ALK: variants seen among roughly 807,000 people sequenced by gnomAD.
The protein encoded by ALK is ALK tyrosine kinase receptor.
ALK carries 74 observed loss-of-function variants against 163.1 expected under a neutral mutation model. The observed-to-expected ratio is 0.45, with a 90% CI of 0.38 to 0.55. The LOEUF is 0.55. Ranked by LOEUF, ALK falls within the 20% of genes least tolerant of loss-of-function variation. The pLI is 0.00. For missense variants in ALK, 2,063 were observed against 2,105.3 expected, an observed-to-expected ratio of 0.98 and a Z score of 0.39; for synonymous variants, 960 against 843.2, an observed-to-expected ratio of 1.14 and a Z score of -2.40.
chr2:29,433,254 A>C (rs1449958452), intron 4 of ALK, among the ~76,000 whole-genome samples: 3 of 152,172 alleles, frequency 2.0e-5, no homozygotes, highest in Admixed American at 1.3e-4. Context: ...CATGCATAGA[A>C]GTGGACAGGA....
At position 29,808,880 on chromosome 2, in the gene ALK, C is replaced by A. The variant is rs74679615; in HGVS notation, c.668-91183G>T. Among the ~76,000 whole-genome samples the A allele has an allele frequency of 3.8e-4, 58 of 152,322 alleles. 1 individual carries two copies. The East Asian group carries it at 0.01, about 27-fold the overall frequency. On this transcript the variant is annotated intron_variant, in intron 1 of 28. Coordinates refer to ENST00000389048, the MANE Select transcript of ALK (RefSeq NM_004304.5). ...CCACGGCCCCAGTGACCTTTCAGAT[C>A]CCTGAGTTAAAGGGACCATTATTCA...
intron 28 of ALK, 35 bp from the exon 29 acceptor site, chr2:29,193,957 G>C (rs1185925511): frequency 6.2e-7 from 1 of 1,601,894 alleles, no homozygotes; most frequent in Non-Finnish European, 8.5e-7. Flanking sequence ...CTTTGAATCA[G>C]AGACAAAAAA....
At chr2:29,626,472 T>G (rs1423877167) in intron 3 of ALK, among the ~76,000 whole-genome samples, 1 of 152,228 alleles carries the variant, frequency 6.6e-6, no homozygotes, top group African/African-American at 2.4e-5. Context: ...TCTTCTGCCA[T>G]GATTGTGAGG....
At chr2:29,913,670 A>T (rs1667763287) in intron 1 of ALK, among the ~76,000 whole-genome samples, 1 of 152,162 alleles carries the variant, frequency 6.6e-6, no homozygotes, top group South Asian at 2.1e-4. Context: ...CATAGAAACC[A>T]CCATGTACAA....
chr2:29,894,837 CACACACACACACACAA>C (rs760925027), intron 1 of ALK, among the ~76,000 whole-genome samples: 4,559 of 145,768 alleles, frequency 0.031, 86 homozygotes, highest in Middle Eastern at 0.056. Flanking sequence ...GCTTCAAACA[CACACACACACACACAA>C]ACACACACAC....
chr2:29,643,804 G>A (rs796448255), intron 3 of ALK, among the ~76,000 whole-genome samples: 10 of 152,144 alleles, frequency 6.6e-5, no homozygotes, highest in African/African-American at 2.2e-4. Context: ...TTGGTGGGAC[G>A]GTAAACTAGT....
At chr2:29,588,142 C>A (rs1291918938) in intron 3 of ALK, among the ~76,000 whole-genome samples, 1 of 152,110 alleles carries the variant, frequency 6.6e-6, no homozygotes, top group Non-Finnish European at 1.5e-5. Flanking sequence ...TGCAGTGACC[C>A]CTTTCACTCT....
intron 4 of ALK, among the ~76,000 whole-genome samples, chr2:29,480,711 C>T (rs1225981289): frequency 2.0e-5 from 3 of 148,810 alleles, no homozygotes; most frequent in Non-Finnish European, 3.0e-5. Flanking sequence ...TGGCTCAGGC[C>T]GGGGGCTACA....
intron 5 of ALK, among the ~76,000 whole-genome samples, chr2:29,368,137 T>G (rs1271763967): frequency 6.6e-6 from 1 of 152,182 alleles, no homozygotes; most frequent in Non-Finnish European, 1.5e-5. Flanking sequence ...TAAAGTCAAA[T>G]AGGCTGTGGC....
chr2:29,797,499 G>T (rs1210915297), intron 1 of ALK, among the ~76,000 whole-genome samples: 5 of 152,188 alleles, frequency 3.3e-5, no homozygotes, highest in Non-Finnish European at 2.9e-5. Context: ...ACAGCAAGGA[G>T]TAATATCCCC....
intron 3 of ALK, among the ~76,000 whole-genome samples, chr2:29,546,538 G>A (rs950420074): frequency 1.3e-5 from 2 of 152,166 alleles, no homozygotes; most frequent in African/African-American, 4.8e-5. Context: ...GGAGGAGGAC[G>A]GAAGGGAGGG....
intron 5 of ALK, among the ~76,000 whole-genome samples, chr2:29,340,587 C>A (rs1339855072): frequency 6.6e-6 from 1 of 152,200 alleles, no homozygotes; most frequent in Non-Finnish European, 1.5e-5. Context: ...ATCATCATAG[C>A]AATAGCTTCC....
At chr2:29,764,234 G>A (rs1680794698) in intron 1 of ALK, among the ~76,000 whole-genome samples, 2 of 152,168 alleles carry the variant, frequency 1.3e-5, no homozygotes, top group South Asian at 4.1e-4. Flanking sequence ...GGCTGTCTGA[G>A]TAGAGCTCTC....
intron 3 of ALK, among the ~76,000 whole-genome samples, chr2:29,628,075 A>G (rs967069126): frequency 1.3e-5 from 2 of 152,242 alleles, no homozygotes; most frequent in African/African-American, 4.8e-5. Flanking sequence ...GACTGATCTT[A>G]CTTTATGCAT....
At chr2:29,540,777 T>C (rs2148165884) in intron 3 of ALK, among the ~76,000 whole-genome samples, 1 of 152,266 alleles carries the variant, frequency 6.6e-6, no homozygotes. Flanking sequence ...TTGAAATTAT[T>C]AGAAATTAAA....
intron 4 of ALK, among the ~76,000 whole-genome samples, chr2:29,452,468 TCA>T (rs2148093592): frequency 6.6e-6 from 1 of 152,286 alleles, no homozygotes; most frequent in Admixed American, 6.5e-5. Flanking sequence ...TATAACGCTT[TCA>T]TTAAAGTCAT....
At chr2:29,806,043 A>G (rs1256410677) in intron 1 of ALK, among the ~76,000 whole-genome samples, 1 of 152,222 alleles carries the variant, frequency 6.6e-6, no homozygotes, top group Non-Finnish European at 1.5e-5. Context: ...ATACGTCCCC[A>G]GGCTTCAGTA....
In ALK at chr2:29,920,947, C is replaced by T. The variant is rs1435036663; in HGVS notation, c.-288G>A. On this transcript the variant is annotated 5_prime_UTR_variant, in exon 1 of 29. Coordinates refer to ENST00000389048, the MANE Select transcript of ALK (RefSeq NM_004304.5). ...GCCTCCCGCTCTCCGCGCCGAGTGCCGCGCCCCCGTCTGTAGCTCGCTGCG... is the reference window on the plus strand; with the variant it reads ...GCCTCCCGCTCTCCGCGCCGAGTGCTGCGCCCCCGTCTGTAGCTCGCTGCG... 1 of 494,414 alleles carries T rather than the reference C, an allele frequency of 2.0e-6. No individual in the cohort carries two copies. The highest frequency in any genetic ancestry group is 3.4e-5 in the East Asian group (1 of 29,116). 30.6% of individuals were successfully genotyped at this position (494,414 alleles called of 1,614,324 possible).
intron 9 of ALK, among the ~76,000 whole-genome samples, chr2:29,292,347 A>G (rs1011935939): frequency 5.9e-5 from 9 of 152,222 alleles, no homozygotes; most frequent in Admixed American, 5.2e-4. Flanking sequence ...AGCTTAGGAT[A>G]GTGTGGGAAC....
Sources: gnomAD v4.1 joint callset for allele counts (sites outside exome capture counted in the v4.1 genomes callset) on GRCh38, gnomAD v4.1.1 for gene constraint, MANE v1.5 for transcripts, NCBI Gene and HGNC (gene_info 2026-07-23, HGNC 2026-07-21) for gene names.